The following NDST4 variants were observed in gnomAD, a reference collection of about 807,000 sequenced individuals.
The protein encoded by NDST4 is N-heparan sulfate sulfotransferase 4.
A neutral mutation model predicts 100.8 loss-of-function variants in NDST4; 63 were observed. That is an observed-to-expected ratio of 0.62 (90% CI 0.51 to 0.77). NDST4 has a LOEUF of 0.77. NDST4 is among the 30% of genes least tolerant of loss of function. The pLI is 0.00. For synonymous variants in NDST4, 377 were observed against 361.8 expected (o/e 1.04, Z -0.48); for missense variants, 943 against 1,018.4 (o/e 0.93, Z 1.01).
At chr4:114,996,482 AT>A (rs1727165679) in intron 2 of NDST4, among the ~76,000 whole-genome samples, 1 of 152,104 alleles carries the variant, frequency 6.6e-6, no homozygotes, top group South Asian at 2.1e-4. Context: ...CTCATAACTA[AT>A]TCCCAATTTT....
intron 2 of NDST4, among the ~76,000 whole-genome samples, chr4:115,014,022 G>T (rs527919792): frequency 6.6e-6 from 1 of 152,046 alleles, no homozygotes; most frequent in Non-Finnish European, 1.5e-5. Flanking sequence ...GCCTACACAG[G>T]TGGTGACTCA....
intron 6 of NDST4, among the ~76,000 whole-genome samples, chr4:114,924,441 A>G (rs932498327): frequency 6.6e-6 from 1 of 151,850 alleles, no homozygotes; most frequent in Non-Finnish European, 1.5e-5. Context: ...ATAGAAAAAA[A>G]AAAAGAAGAT....
At chr4:114,933,395 T>A (rs1725553774) in intron 6 of NDST4, among the ~76,000 whole-genome samples, 1 of 151,248 alleles carries the variant, frequency 6.6e-6, no homozygotes, top group East Asian at 1.9e-4. Context: ...GGGAAAAAAC[T>A]TTTTGACATT....
chr4:114,840,237 C>T (rs1723397567), intron 10 of NDST4, among the ~76,000 whole-genome samples: 2 of 152,176 alleles, frequency 1.3e-5, no homozygotes, highest in Non-Finnish European at 2.9e-5. Flanking sequence ...TTTTCAGTAT[C>T]AAATCCTGAG....
intron 7 of NDST4, among the ~76,000 whole-genome samples, chr4:114,862,921 T>C (rs1033337887): frequency 3.3e-5 from 5 of 152,170 alleles, no homozygotes; most frequent in Admixed American, 6.5e-5. Flanking sequence ...TGTTCCTCAA[T>C]ATAGGCAGAT....
intron 2 of NDST4, among the ~76,000 whole-genome samples, chr4:114,981,210 AAAGGATGG>A (rs1411737601): frequency 7.3e-6 from 1 of 137,248 alleles, no homozygotes; most frequent in African/African-American, 2.9e-5. Context: ...AGAGAAGAAG[AAAGGATGG>A]AAGGAAGGAA....
At chr4:114,860,566 C>T (rs1439596264) in intron 7 of NDST4, among the ~76,000 whole-genome samples, 1 of 152,156 alleles carries the variant, frequency 6.6e-6, no homozygotes, top group Non-Finnish European at 1.5e-5. Context: ...GGCTAGATTG[C>T]AGCATGTAAC....
rs187122477 is a variant in NDST4 at position 114,899,760 on chromosome 4, C to A, written c.1537-28810G>T. On this transcript the variant is annotated intron_variant, in intron 6 of 13. Transcript: ENST00000264363. Reference sequence around the variant, plus strand: ...AATATTTTGCTGATAATTTTTACATCTTTGTTCATAAGATATATTGGTCTG... The same window carrying A: ...AATATTTTGCTGATAATTTTTACATATTTGTTCATAAGATATATTGGTCTG... Among the ~76,000 whole-genome samples the A allele has an allele frequency of 3.3e-5, 5 of 152,126 alleles. No individual in the cohort carries two copies. The East Asian group carries it at 5.8e-4, about 18-fold the overall frequency.
chr4:114,846,401 C>T (rs148333644), intron 9 of NDST4, among the ~76,000 whole-genome samples: 9 of 152,262 alleles, frequency 5.9e-5, no homozygotes, highest in Admixed American at 3.3e-4. Flanking sequence ...AGAAATTATT[C>T]GGTGAGATTA....
rs3849031 is a variant in NDST4, at chr4:114,905,769, C to T, written c.1536+29437G>A. ...TTGGAATACTGTTCTTTTTCATTTA[C>T]TTCATTAAAGATTCATTTTAGGTAA... On this transcript the variant is annotated intron_variant, in intron 6 of 13. Coordinates refer to ENST00000264363, the MANE Select transcript of NDST4 (RefSeq NM_022569.3). 7.9e-3 allele frequency among the ~76,000 whole-genome samples: 1,199 copies of T among 152,030 alleles called. 16 individuals are homozygous for T. Among genetic ancestry groups the T allele is most frequent in the African/African-American group, 0.027 (1,129 of 41,518 alleles).
chr4:115,082,156 T>C (rs564234596), intron 1 of NDST4, among the ~76,000 whole-genome samples: 2 of 152,272 alleles, frequency 1.3e-5, no homozygotes, highest in East Asian at 3.9e-4. Context: ...CCTTCTATCC[T>C]TCCAAATGTG....
At chr4:115,104,655 A>G (rs1397013411) in intron 1 of NDST4, among the ~76,000 whole-genome samples, 1 of 152,150 alleles carries the variant, frequency 6.6e-6, no homozygotes, top group Non-Finnish European at 1.5e-5. Flanking sequence ...TTAATTTTCA[A>G]GATCATGATA....
chr4:115,014,221 A>T (rs572198989), intron 2 of NDST4, among the ~76,000 whole-genome samples: 1 of 152,198 alleles, frequency 6.6e-6, no homozygotes, highest in African/African-American at 2.4e-5. Flanking sequence ...TCTCATGGCT[A>T]TATCAACTCT....
intron 11 of NDST4, among the ~76,000 whole-genome samples, chr4:114,838,801 G>C (rs1553947622): frequency 6.7e-6 from 1 of 149,460 alleles, no homozygotes; most frequent in Non-Finnish European, 1.5e-5. Context: ...ATGTAGCCCA[G>C]AACTTTTTTT....
At chr4:115,022,464 C>CATATATGTGTTCCATAT (rs1727875080) in intron 2 of NDST4, among the ~76,000 whole-genome samples, 1 of 112,396 alleles carries the variant, frequency 8.9e-6, no homozygotes, top group Admixed American at 7.9e-5. Context: ...ATATGTGTTC[C>CATATATGTGTTCCATAT]ATATATATGT....
chr4:115,054,515 T>G (rs1171373395), intron 2 of NDST4, among the ~76,000 whole-genome samples: 1 of 152,314 alleles, frequency 6.6e-6, no homozygotes, highest in East Asian at 1.9e-4. Flanking sequence ...AATGCTTATG[T>G]TAAATCAAGA....
intron 2 of NDST4, among the ~76,000 whole-genome samples, chr4:115,059,223 G>C (rs1246136185): frequency 6.6e-6 from 1 of 151,914 alleles, no homozygotes; most frequent in Non-Finnish European, 1.5e-5. Context: ...CATAACCAAA[G>C]AAAACAGATT....
chr4:115,015,037 C>A (rs1578454770), intron 2 of NDST4, among the ~76,000 whole-genome samples: 1 of 152,198 alleles, frequency 6.6e-6, no homozygotes, highest in East Asian at 1.9e-4. Flanking sequence ...TGGGTATTAT[C>A]TGACCTGTCA....
intron 6 of NDST4, among the ~76,000 whole-genome samples, chr4:114,889,961 C>G (rs112985424): frequency 2.0e-5 from 3 of 152,084 alleles, no homozygotes; most frequent in African/African-American, 7.2e-5. Flanking sequence ...TATATTCGCA[C>G]GAAGGGACAA....
Sources: gnomAD v4.1 joint callset for allele counts (sites outside exome capture counted in the v4.1 genomes callset) on GRCh38, gnomAD v4.1.1 for gene constraint, MANE v1.5 for transcripts, NCBI Gene and HGNC (gene_info 2026-07-23, HGNC 2026-07-21) for gene names.